The following ERC2 variants were observed in gnomAD, a reference collection of about 807,000 sequenced individuals.
ERC2 encodes ERC protein 2.
ERC2 carries 42 observed loss-of-function variants against 114.8 expected under a neutral mutation model. The ratio of observed to expected loss-of-function variants is 0.37; its 90% confidence interval spans 0.29 to 0.47. The LOEUF (loss-of-function observed/expected upper bound fraction) is 0.47, where lower values mean the gene tolerates loss of function less well. Among genes scored for constraint, ERC2 ranks in the 20% least tolerant of loss-of-function variants. The probability of loss-of-function intolerance (pLI) is 0.99; values close to 1 mark genes in which losing one functional copy is unlikely to be tolerated. For synonymous variants in ERC2, 454 were observed against 425.5 expected, an observed-to-expected ratio of 1.07 and a Z score of -0.82; for missense variants, 939 against 1,150.7, an observed-to-expected ratio of 0.82 and a Z score of 2.66.
At chr3:55,812,235 C>G (rs887340413) in intron 14 of ERC2, among the ~76,000 whole-genome samples, 1 of 152,206 alleles carries the variant, frequency 6.6e-6, no homozygotes, top group African/African-American at 2.4e-5. Flanking sequence ...CCTTCAGCAG[C>G]TAGCAAGGTA....
chr3:56,092,891 TA>T (rs2077869486), intron 6 of ERC2, among the ~76,000 whole-genome samples: 2 of 152,196 alleles, frequency 1.3e-5, no homozygotes, highest in African/African-American at 2.4e-5. Context: ...CATAAAATTT[TA>T]AAATATTGAT....
At chr3:56,186,114 T>TAAAAAAAAAAAAAAAAAAAAAAA (rs201544979) in intron 3 of ERC2, among the ~76,000 whole-genome samples, 8 of 102,538 alleles carry the variant, frequency 7.8e-5, no homozygotes, top group East Asian at 5.0e-4. Flanking sequence ...TCAAGAACCT[T>TAAAAAAAAAAAAAAAAAAAAAAA]AAAAAAAAAA....
rs752822137 is a variant in ERC2, at chr3:56,296,229, C to T, written c.864G>A (p.Glu288=). The part of the protein sequence containing the change: ...FLLRKTLEEM[E]LRIETQKQTL... Reference sequence around the variant, plus strand: ...TTTGTTTCTGCGTTTCAATTCTCAGCTCCATTTCCTCTAATGTCTTCCTCA... The same window carrying T: ...TTTGTTTCTGCGTTTCAATTCTCAGTTCCATTTCCTCTAATGTCTTCCTCA... The change falls in exon 3 of 18, where the codon GAG becomes GAA. Residue 288 remains glutamate, a synonymous_variant. Coordinates refer to ENST00000288221, the MANE Select transcript of ERC2 (RefSeq NM_015576.3). The T allele has an allele frequency of 6.2e-7, 1 of 1,613,992 alleles. No homozygotes were observed. The highest frequency in any genetic ancestry group is 8.5e-7 in the Non-Finnish European group (1 of 1,179,874).
At chr3:56,295,132 G>A (rs926399505) in intron 3 of ERC2, among the ~76,000 whole-genome samples, 1 of 152,182 alleles carries the variant, frequency 6.6e-6, no homozygotes, top group Non-Finnish European at 1.5e-5. Flanking sequence ...ATCTAGTTTG[G>A]TCTAGAAGGA....
At position 55,583,399 on chromosome 3, in the gene ERC2, T is replaced by TTTCCTTCCTTCCTTCC. The variant is rs568033136; in HGVS notation, c.*40-72139_*40-72124dup. Among the ~76,000 whole-genome samples, 63 of 87,052 alleles carry TTTCCTTCCTTCCTTCC rather than the reference T, an allele frequency of 7.2e-4. No homozygotes were observed. In the East Asian group the frequency reaches 7.3e-3, roughly 10 times the overall value. The allele number at this position is 87,052 out of a possible 152,430, so 57.1% of individuals were successfully genotyped here. A position where few individuals can be genotyped will look rare whatever the true frequency, so the allele number is the denominator to read the frequency against. On this transcript the variant is annotated intron_variant, in intron 17 of 17. Coordinates refer to ENST00000288221, the MANE Select transcript of ERC2 (RefSeq NM_015576.3). ...CTTTCCTTCTTTCTTTCCTTCCTTC[T>TTTCCTTCCTTCCTTCC]TTCCTTCCTTCCTTCCTTCCTTCCT... is the stretch of plus-strand genomic sequence containing the variant.
At chr3:55,976,236 A>G (rs182851641) in intron 12 of ERC2, among the ~76,000 whole-genome samples, 3 of 152,286 alleles carry the variant, frequency 2.0e-5, no homozygotes, top group Non-Finnish European at 4.4e-5. Context: ...CCAAGAGGAA[A>G]AAGAAGAAAA....
rs537822573 is a variant in ERC2, at chr3:56,438,596, C to G, written c.-140-3449G>C. ...AATGATTTTCTTTCTATGGTTCCAACAGTTAAATGAATGTATCTTTTCTGT... is the reference window on the plus strand; with the variant it reads ...AATGATTTTCTTTCTATGGTTCCAAGAGTTAAATGAATGTATCTTTTCTGT... On this transcript the variant is annotated intron_variant, in intron 1 of 17. Transcript: ENST00000288221. 9.8e-5 allele frequency among the ~76,000 whole-genome samples: 15 copies of G among 152,290 alleles called. No individual in the cohort carries two copies. In the South Asian group the frequency reaches 3.1e-3, roughly 32 times the overall value.
intron 7 of ERC2, among the ~76,000 whole-genome samples, chr3:56,062,243 A>G (rs1273250219): frequency 6.6e-6 from 1 of 152,240 alleles, no homozygotes; most frequent in Non-Finnish European, 1.5e-5. Flanking sequence ...TTTAGAAATG[A>G]AAAATAAACA....
chr3:56,462,449 A>G (rs2063354189), intron 1 of ERC2, among the ~76,000 whole-genome samples: 4 of 152,202 alleles, frequency 2.6e-5, no homozygotes, highest in Admixed American at 2.6e-4. Flanking sequence ...TGGTCTCCCA[A>G]CCTCTGGTCT....
intron 13 of ERC2, among the ~76,000 whole-genome samples, chr3:55,912,709 TC>T (rs71096502): frequency 1.7e-4 from 14 of 81,372 alleles, no homozygotes; most frequent in Non-Finnish European, 3.8e-4. Flanking sequence ...AATCATGGGC[TC>T]TTTTTTTCTA....
intron 15 of ERC2, among the ~76,000 whole-genome samples, chr3:55,714,170 T>TA (rs1193488562): frequency 6.6e-6 from 1 of 152,132 alleles, no homozygotes; most frequent in Non-Finnish European, 1.5e-5. Context: ...CAGAAAAGCC[T>TA]AAAAAAATGG....
In ERC2 at chr3:56,403,663, G is replaced by A. The variant is rs562228371; in HGVS notation, c.657+30688C>T. ...AACGAGATCCCCAGGTAATTAGTGT[G>A]CATCCTAAAGTTTGAGAAGCACAGT... On this transcript the variant is annotated intron_variant, in intron 2 of 17. Transcript: ENST00000288221. Among the ~76,000 whole-genome samples the A allele has an allele frequency of 4.6e-5, 7 of 152,298 alleles. No homozygotes were observed. The South Asian group carries it at 8.3e-4, about 18-fold the overall frequency.
chr3:56,248,488 C>T (rs13077690), intron 3 of ERC2, among the ~76,000 whole-genome samples: 35,453 of 152,034 alleles, frequency 0.23, 4,846 homozygotes, highest in Non-Finnish European at 0.3. Context: ...CATTCAAGAT[C>T]GAATTTTCCA....
chr3:56,284,052 C>T (rs1425084683), intron 3 of ERC2, among the ~76,000 whole-genome samples: 1 of 152,216 alleles, frequency 6.6e-6, no homozygotes, highest in African/African-American at 2.4e-5. Flanking sequence ...TTCACACTGG[C>T]AGTTGAAATC....
intron 2 of ERC2, among the ~76,000 whole-genome samples, chr3:56,326,036 A>C (rs2057346956): frequency 2.6e-5 from 4 of 151,876 alleles, no homozygotes; most frequent in Non-Finnish European, 5.9e-5. Flanking sequence ...ACGTGGCCCT[A>C]CTCCTCACTC....
chr3:56,417,921 G>A (rs186675668), intron 2 of ERC2, among the ~76,000 whole-genome samples: 25 of 152,304 alleles, frequency 1.6e-4, no homozygotes, highest in Admixed American at 1.2e-3. Flanking sequence ...CATCTGATAA[G>A]TGTTAAGTAG....
chr3:56,059,087 TA>T (rs2076134473), intron 7 of ERC2, among the ~76,000 whole-genome samples: 3 of 93,594 alleles, frequency 3.2e-5, no homozygotes, highest in African/African-American at 6.4e-5. Flanking sequence ...ATCTTTTTTT[TA>T]TTTTTTTTAT....
chr3:56,161,599 T>A (rs1274579638), intron 4 of ERC2, among the ~76,000 whole-genome samples: 1 of 152,158 alleles, frequency 6.6e-6, no homozygotes, highest in African/African-American at 2.4e-5. Flanking sequence ...GTTCTTCTCA[T>A]AGAGATCTTT....
rs562090627 is a variant in ERC2 at position 55,932,574 on chromosome 3, C to T, written c.2403+17851G>A. On this transcript the variant is annotated intron_variant, in intron 13 of 17. Coordinates refer to ENST00000288221, the MANE Select transcript of ERC2 (RefSeq NM_015576.3). ...ATTTGCATGGCTGGCTTCTGCTCTG[C>T]CTTCAGATCTTAGCTTGAATACTGC... Among the ~76,000 whole-genome samples the T allele has an allele frequency of 5.3e-5, 8 of 152,264 alleles. No individual in the cohort carries two copies. In the South Asian group the frequency reaches 1.5e-3, roughly 28 times the overall value.
Sources: allele counts gnomAD v4.1 joint callset (sites outside exome capture counted in the v4.1 genomes callset), GRCh38; gene constraint gnomAD v4.1.1; transcripts MANE v1.5; gene names NCBI Gene and HGNC (gene_info 2026-07-23, HGNC 2026-07-21).